Variants in TBX4 observed in about 807,000 individuals in gnomAD.
TBX4 encodes the protein T-box transcription factor 4, also known as T-box transcription factor TBX4.
TBX4 carries 13 observed loss-of-function variants against 54.6 expected under a neutral mutation model. The observed-to-expected ratio is 0.24, with a 90% CI of 0.15 to 0.38. TBX4 has a LOEUF of 0.38. Ranked by LOEUF, TBX4 falls within the 10% of genes least tolerant of loss-of-function variation. The probability of loss-of-function intolerance (pLI) is 1.00; values close to 1 mark genes in which losing one functional copy is unlikely to be tolerated. For synonymous variants in TBX4, 314 were observed against 306.7 expected (o/e 1.02, Z -0.25); for missense variants, 631 against 728.5 (o/e 0.87, Z 1.54).
At position 61,481,117 on chromosome 17, in the gene TBX4, A is replaced by T. The variant is rs996905247; in HGVS notation, c.1021+798A>T. ...CTCCGAGATCCCCTGTACAAGTCTC[A>T]TTAGAACTCAATGACCTAGAGCACG... On this transcript the variant is annotated intron_variant, in intron 8 of 8. Transcript: ENST00000644296. The surrounding 1 kb of genome is among the most constrained non-coding windows in gnomAD (Gnocchi z 4.8). Among the ~76,000 whole-genome samples, 2 of 152,198 alleles carry T rather than the reference A, an allele frequency of 1.3e-5. No homozygotes were observed. The highest frequency in any genetic ancestry group is 2.4e-5 in the African/African-American group (1 of 41,452).
chr17:61,469,907 C>T (rs1006359644), intron 5 of TBX4, among the ~76,000 whole-genome samples: 2 of 152,176 alleles, frequency 1.3e-5, no homozygotes, highest in Non-Finnish European at 2.9e-5. Flanking sequence ...TGGGAATTGC[C>T]CTTCCTTCTG....
chr17:61,474,291 C>G lies in TBX4; in HGVS notation c.550-4336C>G, dbSNP rs1397854314. Among the ~76,000 whole-genome samples the G allele has an allele frequency of 6.6e-6, 1 of 152,162 alleles. No homozygotes were observed. The highest frequency in any genetic ancestry group is 1.5e-5 in the Non-Finnish European group (1 of 68,026). Reference sequence around the variant, plus strand: ...AGGGCCTGCTGACCCAAGTCCCTTACAGTGTTTAATTGGCACCTTCTCATT... The same window carrying G: ...AGGGCCTGCTGACCCAAGTCCCTTAGAGTGTTTAATTGGCACCTTCTCATT... On this transcript the variant is annotated intron_variant, in intron 5 of 8. Transcript: ENST00000644296. This position sits in a 1 kb window ranked among gnomAD's most constrained non-coding sequence, Gnocchi z 4.6.
chr17:61,456,473 G>A lies in TBX4; in HGVS notation c.-3-15G>A. ...TGGACCTGGGCGAGTGACTCGTTGT[G>A]TGCTGTGCCCGCAGGAGATGCTGCA... On this transcript the variant is annotated splice_polypyrimidine_tract_variant and intron_variant, in intron 1 of 8. Transcript: ENST00000644296. 6.4e-7 allele frequency: 1 copy of A among 1,562,536 alleles called. No individual in the cohort carries two copies. Among genetic ancestry groups the A allele is most frequent in the Non-Finnish European group, 8.7e-7 (1 of 1,153,786 alleles).
At position 61,476,710 on chromosome 17, in the gene TBX4, A is replaced by C. The variant is rs571296682; in HGVS notation, c.550-1917A>C. ...GGACCTGGTTTGGGGTTTGGGAGTT[A>C]TGTACTTGCCTCGTGAAGGTCTGGA... On this transcript the variant is annotated intron_variant, in intron 5 of 8. Transcript: ENST00000644296. This position sits in a 1 kb window ranked among gnomAD's most constrained non-coding sequence, Gnocchi z 6.5. Among the ~76,000 whole-genome samples the C allele has an allele frequency of 6.6e-6, 1 of 152,166 alleles. No individual in the cohort carries two copies. Among genetic ancestry groups the C allele is most frequent in the Non-Finnish European group, 1.5e-5 (1 of 68,014 alleles).
intron 1 of TBX4, among the ~76,000 whole-genome samples, chr17:61,454,432 A>G (rs778326281): frequency 4.6e-5 from 7 of 152,240 alleles, no homozygotes; most frequent in Non-Finnish European, 8.8e-5. Context: ...GCGGACCGCT[A>G]TGCGGTGCTG....
rs184433489 is a variant in TBX4, at chr17:61,464,345, C to T, written c.282-1474C>T. On this transcript the variant is annotated intron_variant, in intron 3 of 8. Transcript: ENST00000644296. This position sits in a 1 kb window ranked among gnomAD's most constrained non-coding sequence, Gnocchi z 5.8. ...AACCCTCCACCTCGGTCGGGGTCCT[C>T]GCCTGGGCTTAGGGCCCGCCAGCTT... The T allele has an allele frequency of 6.6e-6, 1 of 152,282 alleles. No homozygotes were observed. The highest frequency in any genetic ancestry group is 6.5e-5 in the Admixed American group (1 of 15,288). 9.4% of individuals were successfully genotyped at this position (152,282 alleles called of 1,614,324 possible). A position where few individuals can be genotyped will look rare whatever the true frequency, so the allele number is the denominator to read the frequency against.
At chr17:61,477,949 A>C (rs2060633424) in intron 5 of TBX4, among the ~76,000 whole-genome samples, 1 of 151,642 alleles carries the variant, frequency 6.6e-6, no homozygotes, top group Non-Finnish European at 1.5e-5. Context: ...CTCAAAAAAA[A>C]AAAAAAAAAA....
intron 5 of TBX4, among the ~76,000 whole-genome samples, chr17:61,470,802 G>A (rs2060571781): frequency 2.6e-5 from 4 of 152,194 alleles, no homozygotes; most frequent in Admixed American, 2.0e-4. Flanking sequence ...TACCTCCCAC[G>A]CCCAGCAGGG....
chr17:61,458,275 T>G, intron 3 of TBX4, among the ~76,000 whole-genome samples: 1 of 121,336 alleles, frequency 8.2e-6, no homozygotes, highest in Admixed American at 1.1e-4. Context: ...GAGGAGAGGA[T>G]GAGAGGAGGA....
In TBX4 at chr17:61,468,654, C is replaced by T. The variant is rs887708424; in HGVS notation, c.549+997C>T. Among the ~76,000 whole-genome samples, 10 of 152,302 alleles carry T rather than the reference C, an allele frequency of 6.6e-5. 1 individual carries two copies. Among genetic ancestry groups the T allele is most frequent in the Admixed American group, 3.9e-4 (6 of 15,304 alleles). On this transcript the variant is annotated intron_variant, in intron 5 of 8. Coordinates refer to ENST00000644296, the MANE Select transcript of TBX4 (RefSeq NM_001321120.2). ...TTAATTTCTCAGAATCTATTCAGTT[C>T]GCTTCTGAGTCATTGGTGAGCTATA...
rs971238034 is a variant in TBX4 at position 61,464,970 on chromosome 17, C to A, written c.282-849C>A. ...GCTGAGGGAGGAGTGCAGCAGGGGT[C>A]CGTGGTAATTCACGCAGCAATCTAT... On this transcript the variant is annotated intron_variant, in intron 3 of 8. Coordinates refer to ENST00000644296, the MANE Select transcript of TBX4 (RefSeq NM_001321120.2). This position sits in a 1 kb window ranked among gnomAD's most constrained non-coding sequence, Gnocchi z 5.8. 2.6e-5 allele frequency among the ~76,000 whole-genome samples: 4 copies of A among 152,076 alleles called. No homozygotes were observed. The highest frequency in any genetic ancestry group is 9.7e-5 in the African/African-American group (4 of 41,388).
Position 61,478,514 on chromosome 17 carries a change from C to A in TBX4, c.550-113C>A. Reference sequence around the variant, plus strand: ...CAGTCCTGGTCGGTAGGCCCCGGATCCTGGGCTTTGAGGAGAATGAGAAAA... The same window carrying A: ...CAGTCCTGGTCGGTAGGCCCCGGATACTGGGCTTTGAGGAGAATGAGAAAA... On this transcript the variant is annotated intron_variant, in intron 5 of 8. Transcript: ENST00000644296. The surrounding 1 kb of genome is among the most constrained non-coding windows in gnomAD (Gnocchi z 7.4). 6.8e-7 allele frequency: 1 copy of A among 1,470,598 alleles called. No individual in the cohort carries two copies. The highest frequency in any genetic ancestry group is 9.5e-7 in the Non-Finnish European group (1 of 1,056,254). The allele number at this position is 1,470,598 out of a possible 1,614,324, so 91.1% of individuals were successfully genotyped here. A position where few individuals can be genotyped will look rare whatever the true frequency, so the allele number is the denominator to read the frequency against.
rs956824180 is a variant in TBX4 at position 61,474,555 on chromosome 17, G to A, written c.550-4072G>A. Among the ~76,000 whole-genome samples, 11 of 152,342 alleles carry A rather than the reference G, an allele frequency of 7.2e-5. No individual in the cohort carries two copies. The South Asian group carries it at 8.3e-4, about 11-fold the overall frequency. ...GATCTGGGCTTTATTGGCCAAGCAC[G>A]CTATGGCGATCTCTTGAGGAGAGGG... On this transcript the variant is annotated intron_variant, in intron 5 of 8. Coordinates refer to ENST00000644296, the MANE Select transcript of TBX4 (RefSeq NM_001321120.2). This position sits in a 1 kb window ranked among gnomAD's most constrained non-coding sequence, Gnocchi z 4.6.
intron 4 of TBX4, among the ~76,000 whole-genome samples, chr17:61,467,168 A>T (rs1018033494): frequency 5.9e-5 from 9 of 152,140 alleles, no homozygotes; most frequent in African/African-American, 1.9e-4. Context: ...AGAAAAAAAA[A>T]TTTTAAATCA....
rs2060460837 is a variant in TBX4 at position 61,457,485 on chromosome 17, G to A, written c.187-52G>A. On this transcript the variant is annotated intron_variant, in intron 2 of 8. Transcript: ENST00000644296. The surrounding 1 kb of genome is among the most constrained non-coding windows in gnomAD (Gnocchi z 8.2). ...TCTGGTTCTTCTTTCCTCAGGCTCC[G>A]CGTGGAGCCCTGGGCCTGGCAGACA... is the stretch of plus-strand genomic sequence containing the variant. The A allele has an allele frequency of 1.3e-5, 20 of 1,540,544 alleles. No homozygotes were observed. The highest frequency in any genetic ancestry group is 3.3e-5 in the South Asian group (3 of 89,636).
chr17:61,480,579 C>G lies in TBX4; in HGVS notation c.1021+260C>G, dbSNP rs543008065. On this transcript the variant is annotated intron_variant, in intron 8 of 8. Coordinates refer to ENST00000644296, the MANE Select transcript of TBX4 (RefSeq NM_001321120.2). This position sits in a 1 kb window ranked among gnomAD's most constrained non-coding sequence, Gnocchi z 6.2. ...TTGTAGCCCCGGTGTCCCCAGACACCTTTCCAAGTGTTGCTTTGCAGTCAC... is the reference window on the plus strand; with the variant it reads ...TTGTAGCCCCGGTGTCCCCAGACACGTTTCCAAGTGTTGCTTTGCAGTCAC... Among the ~76,000 whole-genome samples, 7 of 152,314 alleles carry G rather than the reference C, an allele frequency of 4.6e-5. No individual in the cohort carries two copies. The highest frequency in any genetic ancestry group is 1.7e-4 in the African/African-American group (7 of 41,576).
rs764952897 is a variant in TBX4 at position 61,483,181 on chromosome 17, G to A, written c.1306G>A (p.Glu436Lys). 6.2e-7 allele frequency: 1 copy of A among 1,614,172 alleles called. No individual in the cohort carries two copies. The highest frequency in any genetic ancestry group is 8.5e-7 in the Non-Finnish European group (1 of 1,180,032). The change falls in exon 9 of 9, where the codon GAG becomes AAG. Residue 436 changes from glutamate to lysine, a missense_variant. Coordinates refer to ENST00000644296, the MANE Select transcript of TBX4 (RefSeq NM_001321120.2). The surrounding 1 kb of genome is among the most constrained non-coding windows in gnomAD (Gnocchi z 6.6). ...PYTSYSVQTM[E>K]TVPYQPFPTH... ...CACCAGCTATAGCGTGCAGACGATG[G>A]AGACTGTGCCGTACCAGCCCTTCCC...
At chr17:61,455,913 G>A (rs1257109606) in intron 1 of TBX4, among the ~76,000 whole-genome samples, 1 of 152,180 alleles carries the variant, frequency 6.6e-6, no homozygotes, top group Non-Finnish European at 1.5e-5. Context: ...TTTGGTTCAG[G>A]AAGTCTCTAC....
At position 61,476,255 on chromosome 17, in the gene TBX4, G is replaced by A. The variant is rs1455954162; in HGVS notation, c.550-2372G>A. Among the ~76,000 whole-genome samples, 1 of 152,236 alleles carries A rather than the reference G, an allele frequency of 6.6e-6. No homozygotes were observed. The highest frequency in any genetic ancestry group is 2.4e-5 in the African/African-American group (1 of 41,460). On this transcript the variant is annotated intron_variant, in intron 5 of 8. Transcript: ENST00000644296. This position sits in a 1 kb window ranked among gnomAD's most constrained non-coding sequence, Gnocchi z 6.5. ...TTTCAGAACTGGGCGTTCAGAGCAG[G>A]CCCTTGTACCTGAGACTTCCTGGAA...
Sources: allele counts gnomAD v4.1 joint callset (sites outside exome capture counted in the v4.1 genomes callset), GRCh38; gene constraint gnomAD v4.1.1; non-coding constraint Gnocchi (gnomAD v3.1); transcripts MANE v1.5; gene names NCBI Gene and HGNC (gene_info 2026-07-23, HGNC 2026-07-21).